Variants in SGCD observed in about 807,000 individuals in gnomAD.
SGCD encodes sarcoglycan delta, also known as delta-sarcoglycan.
A neutral mutation model predicts 36.6 loss-of-function variants in SGCD; 18 were observed. The observed-to-expected ratio is 0.49, with a 90% confidence interval of 0.34 to 0.73. The LOEUF (loss-of-function observed/expected upper bound fraction) is 0.73, where lower values mean the gene tolerates loss of function less well. Ranked by LOEUF, SGCD falls within the 30% of genes least tolerant of loss-of-function variation. The pLI is 0.01. For synonymous variants in SGCD, 133 were observed against 130.6 expected (o/e 1.02, Z -0.12); for missense variants, 387 against 346.7 (o/e 1.12, Z -0.92).
chr5:156,247,449 G>A (rs914856653), intron 3 of SGCD, among the ~76,000 whole-genome samples: 1 of 152,132 alleles, frequency 6.6e-6, no homozygotes, highest in Admixed American at 6.5e-5. Context: ...AATTATTTTA[G>A]TAGAACAAGA....
intron 3 of SGCD, among the ~76,000 whole-genome samples, chr5:156,230,353 T>G (rs995488936): frequency 3.9e-5 from 6 of 152,150 alleles, no homozygotes; most frequent in African/African-American, 1.2e-4. Context: ...TTGTTCAGAT[T>G]CTTTTGTCCC....
At chr5:156,204,026 G>A (rs1277497123) in intron 3 of SGCD, among the ~76,000 whole-genome samples, 2 of 151,990 alleles carry the variant, frequency 1.3e-5, no homozygotes, top group Non-Finnish European at 2.9e-5. Flanking sequence ...TATTCCAGTG[G>A]CTTCCATATT....
At chr5:155,866,808 T>C (rs1755533636), upstream of SGCD, among the ~76,000 whole-genome samples, 1 of 152,150 alleles carries the variant, frequency 6.6e-6, no homozygotes, top group Non-Finnish European at 1.5e-5. Flanking sequence ...CCAAAGTTTG[T>C]CTGGAAACTT....
intron 3 of SGCD, among the ~76,000 whole-genome samples, chr5:156,360,623 C>T (rs2127730228): frequency 6.6e-6 from 1 of 152,148 alleles, no homozygotes; most frequent in Middle Eastern, 3.4e-3. Flanking sequence ...ACACACTTCC[C>T]ATCCTGTGCC....
chr5:156,611,136 C>T (rs147446204), intron 6 of SGCD, among the ~76,000 whole-genome samples: 10,277 of 152,278 alleles, frequency 0.067, 377 homozygotes, highest in South Asian at 0.1. Flanking sequence ...GCGCCACTCA[C>T]GCTGGGAGCT....
intron 1 of SGCD, among the ~76,000 whole-genome samples, chr5:156,074,432 G>A (rs1482566977): frequency 2.0e-5 from 3 of 152,136 alleles, no homozygotes; most frequent in African/African-American, 4.8e-5. Flanking sequence ...TTAAAAATGT[G>A]TATTTACTTG....
chr5:156,213,503 G>A (rs1168177589), intron 3 of SGCD, among the ~76,000 whole-genome samples: 1 of 151,984 alleles, frequency 6.6e-6, no homozygotes, highest in Non-Finnish European at 1.5e-5. Flanking sequence ...AAAGCTTATG[G>A]AACTGATAGC....
At chr5:155,801,402 A>G in the SGCD span, among the ~76,000 whole-genome samples, 1 of 152,130 alleles carries the variant, frequency 6.6e-6, no homozygotes, top group African/African-American at 2.4e-5. Flanking sequence ...AGCATTCTCA[A>G]AAGGGTTAAT....
At chr5:155,967,463 A>G (rs942611323) in intron 1 of SGCD, among the ~76,000 whole-genome samples, 1 of 152,094 alleles carries the variant, frequency 6.6e-6, no homozygotes, top group Non-Finnish European at 1.5e-5. Flanking sequence ...ACTGCAATTT[A>G]CTAGGATGCT....
chr5:155,991,579 T>C (rs1319160271), intron 1 of SGCD, among the ~76,000 whole-genome samples: 1 of 152,256 alleles, frequency 6.6e-6, no homozygotes, highest in Non-Finnish European at 1.5e-5. Context: ...CAAGTTATGC[T>C]AATGGAGACA....
At chr5:156,592,578 T>A (rs958895026) in intron 5 of SGCD, among the ~76,000 whole-genome samples, 2 of 152,074 alleles carry the variant, frequency 1.3e-5, no homozygotes, top group Non-Finnish European at 2.9e-5. Context: ...TGGCCCCAGC[T>A]CCCTTCTCCT....
At chr5:155,891,063 G>T (rs1756117430) in intron 1 of SGCD, among the ~76,000 whole-genome samples, 2 of 152,184 alleles carry the variant, frequency 1.3e-5, no homozygotes, top group Admixed American at 1.3e-4. Context: ...ATATCCTAGG[G>T]AGGAACATGA....
intron 3 of SGCD, among the ~76,000 whole-genome samples, chr5:156,497,170 A>ACTCTCTCTCTCTCT (rs10559912): frequency 1.4e-5 from 2 of 145,382 alleles, no homozygotes. Flanking sequence ...ACTCTCCTGC[A>ACTCTCTCTCTCTCT]CTCTCTCTCT....
intron 1 of SGCD, among the ~76,000 whole-genome samples, chr5:155,944,004 G>T (rs1284351465): frequency 6.6e-6 from 1 of 152,162 alleles, no homozygotes; most frequent in African/African-American, 2.4e-5. Flanking sequence ...CTTCTGTCCT[G>T]CAGAGGGCAG....
intron 1 of SGCD, among the ~76,000 whole-genome samples, chr5:155,883,793 C>CAA (rs34250962): frequency 0.11 from 8,765 of 83,338 alleles, 762 homozygotes; most frequent in African/African-American, 0.19. Flanking sequence ...CTTCAATTTG[C>CAA]AAAAAAAAAA....
chr5:156,129,289 A>G (rs547988185), intron 3 of SGCD, among the ~76,000 whole-genome samples: 1 of 152,182 alleles, frequency 6.6e-6, no homozygotes, highest in African/African-American at 2.4e-5. Flanking sequence ...CCTTGAAACA[A>G]CTCTCTGGGA....
At chr5:156,537,807 T>C (rs1002090698) in intron 4 of SGCD, among the ~76,000 whole-genome samples, 4 of 150,856 alleles carry the variant, frequency 2.7e-5, no homozygotes, top group Non-Finnish European at 5.9e-5. Flanking sequence ...AGGAAGAAAA[T>C]GTTGGTATTC....
intron 7 of SGCD, among the ~76,000 whole-genome samples, chr5:156,711,031 A>T (rs1237271871): frequency 5.3e-5 from 8 of 152,164 alleles, no homozygotes. Flanking sequence ...TCTTATTGCC[A>T]CAAAGGGTCT....
At chr5:156,221,257 TAGA>T (rs1764710124) in intron 3 of SGCD, among the ~76,000 whole-genome samples, 1 of 152,116 alleles carries the variant, frequency 6.6e-6, no homozygotes, top group South Asian at 2.1e-4. Context: ...TTATAACTTG[TAGA>T]AGGTGAGACG....
Sources: allele counts gnomAD v4.1 joint callset (sites outside exome capture counted in the v4.1 genomes callset), GRCh38; gene constraint gnomAD v4.1.1; transcripts MANE v1.5; gene names NCBI Gene and HGNC (gene_info 2026-07-23, HGNC 2026-07-21).